Variants in CRYZL1 observed in about 807,000 individuals in gnomAD.
The protein encoded by CRYZL1 is ferry endosomal RAB5 effector complex subunit 4.
Under a neutral mutation model 50.6 loss-of-function variants are expected in CRYZL1, and 34 were observed. That is an observed-to-expected ratio of 0.67 (90% confidence interval 0.51 to 0.89). The LOEUF is 0.89. Ranked by LOEUF, CRYZL1 falls within the 40% of genes least tolerant of loss-of-function variation. CRYZL1 has a pLI of 0.00. For synonymous variants in CRYZL1, 125 were observed against 134.3 expected (o/e 0.93, Z 0.48); for missense variants, 354 against 402.3 (o/e 0.88, Z 1.03).
At chr21:33,630,694 C>G (rs1186723951) in intron 2 of CRYZL1, among the ~76,000 whole-genome samples, 2 of 152,116 alleles carry the variant, frequency 1.3e-5, no homozygotes, top group African/African-American at 4.8e-5. Context: ...ATCTGTACCT[C>G]CATGTTTACT....
At chr21:33,626,010 G>A (rs1380451782) in intron 2 of CRYZL1, among the ~76,000 whole-genome samples, 3 of 151,542 alleles carry the variant, frequency 2.0e-5, no homozygotes, top group Admixed American at 6.6e-5. Context: ...CTGGAGTGCA[G>A]TGGCGCAATC....
chr21:33,603,478 G>A lies in CRYZL1; in HGVS notation c.391C>T (p.Arg131Cys), dbSNP rs763694929. 21 of 1,613,996 alleles carry A rather than the reference G, an allele frequency of 1.3e-5. No individual in the cohort carries two copies. In the Middle Eastern group the frequency reaches 4.9e-4, roughly 38 times the overall value. ...AGATAATGCAGAGCTGTATAGGCACGCACTCCATCCCGAATGCTTCCTGCT... is the reference window on the plus strand; with the variant it reads ...AGATAATGCAGAGCTGTATAGGCACACACTCCATCCCGAATGCTTCCTGCT... ...EAAGSIRDGV[R>C]AYTALHYLSH... Residue 131 changes from arginine to cysteine, a missense_variant, in exon 7 of 13, where the codon CGT becomes TGT. Transcript: ENST00000381554.
intron 2 of CRYZL1, among the ~76,000 whole-genome samples, chr21:33,630,589 T>TA (rs533376675): frequency 1.1e-3 from 151 of 134,404 alleles, no homozygotes; most frequent in South Asian, 5.7e-3. Context: ...CTGTCGCAAT[T>TA]AAAAAAAAAA....
chr21:33,600,941 T>TTTTTG (rs1555904282), intron 8 of CRYZL1, among the ~76,000 whole-genome samples: 1 of 109,380 alleles, frequency 9.1e-6, no homozygotes, highest in African/African-American at 3.8e-5. Flanking sequence ...AAGTTTTTTT[T>TTTTTG]TTTTTTTTTT....
At chr21:33,623,377 T>A (rs1459321733) in intron 3 of CRYZL1, among the ~76,000 whole-genome samples, 1 of 152,218 alleles carries the variant, frequency 6.6e-6, no homozygotes, top group Non-Finnish European at 1.5e-5. Context: ...ACAGTTTTCA[T>A]AACCATTATG....
intron 6 of CRYZL1, among the ~76,000 whole-genome samples, chr21:33,603,841 C>T (rs1223407887): frequency 6.6e-6 from 1 of 152,220 alleles, no homozygotes. Flanking sequence ...GGTATACCAT[C>T]CTGGTGGAGA....
chr21:33,622,581 A>G (rs1453229958), intron 3 of CRYZL1, among the ~76,000 whole-genome samples: 2 of 152,186 alleles, frequency 1.3e-5, no homozygotes, highest in African/African-American at 4.8e-5. Flanking sequence ...AATCTGCCAT[A>G]TAATTTCAGA....
At chr21:33,604,453 C>T (rs1256225288) in intron 6 of CRYZL1, among the ~76,000 whole-genome samples, 2 of 150,416 alleles carry the variant, frequency 1.3e-5, no homozygotes, top group South Asian at 2.1e-4. Flanking sequence ...GGTGTGAACC[C>T]GGGAGGTGGA....
intron 4 of CRYZL1, among the ~76,000 whole-genome samples, chr21:33,620,577 G>A (rs1480509471): frequency 2.0e-5 from 3 of 151,684 alleles, no homozygotes; most frequent in African/African-American, 7.3e-5. Flanking sequence ...TTGGGAGGCC[G>A]ATGTGGGCAG....
chr21:33,639,615 T>A (rs1198451725), intron 1 of CRYZL1: 1 of 152,214 alleles, frequency 6.6e-6, no homozygotes, highest in Non-Finnish European at 1.5e-5. Flanking sequence ...CTACTAACAT[T>A]ATTGAAGTTT....
intron 1 of CRYZL1, chr21:33,641,379 C>T (rs917523489): frequency 3.6e-5 from 54 of 1,483,162 alleles, no homozygotes; most frequent in Non-Finnish European, 4.3e-5. Context: ...AAAACCCAAC[C>T]TGGGAGATTA....
intron 2 of CRYZL1, among the ~76,000 whole-genome samples, chr21:33,628,081 G>A (rs1017038748): frequency 2.0e-5 from 3 of 152,104 alleles, no homozygotes; most frequent in African/African-American, 7.2e-5. Flanking sequence ...CTACTTTCTG[G>A]AAACTTGCAT....
intron 2 of CRYZL1, among the ~76,000 whole-genome samples, chr21:33,627,901 C>T (rs1203901658): frequency 2.6e-5 from 4 of 151,998 alleles, no homozygotes; most frequent in African/African-American, 4.8e-5. Context: ...CATGCCACCA[C>T]GCCTGGCTAA....
intron 9 of CRYZL1, among the ~76,000 whole-genome samples, chr21:33,598,056 T>C (rs1042172415): frequency 3.3e-5 from 5 of 152,186 alleles, no homozygotes; most frequent in African/African-American, 1.2e-4. Context: ...TTATTGTAAA[T>C]CTACTTATTA....
intron 5 of CRYZL1, among the ~76,000 whole-genome samples, chr21:33,614,146 C>T (rs1018194184): frequency 7.4e-4 from 106 of 142,750 alleles, no homozygotes; most frequent in African/African-American, 2.7e-3. Flanking sequence ...CATTCCAGCC[C>T]GGCCGACAGT....
chr21:33,599,187 T>C lies in CRYZL1; in HGVS notation c.639A>G (p.Thr213=), dbSNP rs2086725676. The part of the protein sequence containing the change: ...VHVAESCLEE[T]GGLGVDIVLD... ...GGACAATATCTACTCCCAGGCCACCTGTTTCTTCCAAACAGCTTTCAGCAA... is the reference window on the plus strand; with the variant it reads ...GGACAATATCTACTCCCAGGCCACCCGTTTCTTCCAAACAGCTTTCAGCAA... The change falls in exon 9 of 13, where the codon ACA becomes ACG. Residue 213 remains threonine, a synonymous_variant. Coordinates refer to ENST00000381554, the MANE Select transcript of CRYZL1 (RefSeq NM_145858.3). The C allele has an allele frequency of 6.2e-7, 1 of 1,613,948 alleles. No individual in the cohort carries two copies. The highest frequency in any genetic ancestry group is 8.5e-7 in the Non-Finnish European group (1 of 1,179,944).
At position 33,595,761 on chromosome 21, in the gene CRYZL1, A is replaced by G. The variant is rs771452430; in HGVS notation, c.874T>C (p.Leu292=). The part of the protein sequence containing the change: ...LAFLNDEVWN[L]SNVQQGKYLC... Reference sequence around the variant, plus strand: ...TATTTTCCCTGTTGTACATTTGACAAATTCCAAACTTCATCATTCAGGAAA... The same window carrying G: ...TATTTTCCCTGTTGTACATTTGACAGATTCCAAACTTCATCATTCAGGAAA... The change falls in exon 11 of 13, where the codon TTG becomes CTG. Residue 292 remains leucine (L), a synonymous_variant. Transcript: ENST00000381554. The G allele has an allele frequency of 6.2e-7, 1 of 1,614,122 alleles. No individual in the cohort carries two copies. Among genetic ancestry groups the G allele is most frequent in the Non-Finnish European group, 8.5e-7 (1 of 1,179,958 alleles).
At chr21:33,629,187 T>C (rs1339602753) in intron 2 of CRYZL1, among the ~76,000 whole-genome samples, 2 of 152,116 alleles carry the variant, frequency 1.3e-5, no homozygotes, top group Non-Finnish European at 2.9e-5. Flanking sequence ...ATTGCGCCAC[T>C]GTATTCCAGT....
rs919155089 is a variant in CRYZL1 at position 33,601,590 on chromosome 21, T to TA, written c.577+643dup. On this transcript the variant is annotated intron_variant, in intron 8 of 12. Transcript: ENST00000381554. ...GAAAAAACATTGAAAAATGTAAGTTTAAAAAAAAATAATTAAAATTAAAAC... is the reference window on the plus strand; with the variant it reads ...GAAAAAACATTGAAAAATGTAAGTTTAAAAAAAAAATAATTAAAATTAAAAC... Among the ~76,000 whole-genome samples the TA allele has an allele frequency of 2.2e-3, 327 of 151,456 alleles. 1 individual carries two copies. The highest frequency in any genetic ancestry group is 7.6e-3 in the African/African-American group (313 of 41,342).
Sources: gnomAD v4.1 joint callset for allele counts (sites outside exome capture counted in the v4.1 genomes callset) on GRCh38, gnomAD v4.1.1 for gene constraint, MANE v1.5 for transcripts, NCBI Gene and HGNC (gene_info 2026-07-23, HGNC 2026-07-21) for gene names.